Variants in DSTYK observed in about 807,000 individuals in gnomAD.
DSTYK encodes RIP-homologous kinase.
DSTYK carries 34 observed loss-of-function variants against 98.7 expected under a neutral mutation model. That is an observed-to-expected ratio of 0.34 (90% CI 0.26 to 0.46). The LOEUF (loss-of-function observed/expected upper bound fraction) is 0.46, where lower values mean the gene tolerates loss of function less well. Ranked by LOEUF, DSTYK falls within the 20% of genes least tolerant of loss-of-function variation. DSTYK has a pLI of 1.00. For synonymous variants in DSTYK, 462 were observed against 457.3 expected, an observed-to-expected ratio of 1.01 and a Z score of -0.13; for missense variants, 962 against 1,181.7, an observed-to-expected ratio of 0.81 and a Z score of 2.73.
chr1:205,192,071 T>G (rs1658729307), intron 1 of DSTYK, among the ~76,000 whole-genome samples: 1 of 152,140 alleles, frequency 6.6e-6, no homozygotes, highest in South Asian at 2.1e-4. Flanking sequence ...TAAACAAAAG[T>G]TTCAAGCTAG....
Position 205,163,722 on chromosome 1 carries a change from C to T in DSTYK, c.1557+1G>A. On this transcript the variant is annotated splice_donor_variant, in intron 4 of 12. Transcript: ENST00000367162. LOFTEE classifies it high-confidence loss of function. The stretch of plus-strand genomic sequence containing the variant: ...TGTCTTAAAAATCATTCTTTGTCTA[C>T]CTGTTTGAGATAATTACTGGTGATG... 1.2e-6 allele frequency: 2 copies of T among 1,611,508 alleles called. No individual in the cohort carries two copies. The highest frequency in any genetic ancestry group is 8.5e-7 in the Non-Finnish European group (1 of 1,178,124).
At chr1:205,160,022 G>A in intron 8 of DSTYK, 92 bp downstream of exon 8, 1 of 1,428,038 alleles carries the variant, frequency 7.0e-7, no homozygotes, top group Non-Finnish European at 9.9e-7. Context: ...ATATAGAGAG[G>A]CCATGCTGTA....
chr1:205,201,285 C>A (rs1659029398), intron 1 of DSTYK, among the ~76,000 whole-genome samples: 1 of 151,898 alleles, frequency 6.6e-6, no homozygotes, highest in African/African-American at 2.4e-5. Context: ...GGGATGGCTA[C>A]CCCATTCTCC....
chr1:205,161,563 C>CT (rs1348026063), intron 6 of DSTYK, among the ~76,000 whole-genome samples, 176 bp from the exon 7 acceptor site: 3 of 152,154 alleles, frequency 2.0e-5, no homozygotes, highest in Non-Finnish European at 4.4e-5. Flanking sequence ...TAAATAATAA[C>CT]TTTTCCTCCT....
At chr1:205,184,259 T>A (rs1243694744) in intron 2 of DSTYK, among the ~76,000 whole-genome samples, 2 of 151,112 alleles carry the variant, frequency 1.3e-5, no homozygotes, top group East Asian at 3.9e-4. Flanking sequence ...CAAAAGTAAA[T>A]GAGCATTAGA....
chr1:205,146,573 ATTT>A lies in DSTYK; in HGVS notation c.*982_*984del, dbSNP rs146051023. 5 of 138,106 alleles carry A rather than the reference ATTT, an allele frequency of 3.6e-5. No homozygotes were observed. The highest frequency in any genetic ancestry group is 2.7e-5 in the African/African-American group (1 of 37,590). 8.6% of individuals were successfully genotyped at this position (138,106 alleles called of 1,614,324 possible). On this transcript the variant is annotated 3_prime_UTR_variant, in exon 13 of 13. Coordinates refer to ENST00000367162, the MANE Select transcript of DSTYK (RefSeq NM_015375.3). The stretch of plus-strand genomic sequence containing the variant: ...ACACAAATATATGCATACACATTCT[ATTT>A]TTTTTTTTTTTTTGAGACAGAGTCT...
chr1:205,170,985 C>CA (rs1658043884), intron 2 of DSTYK, among the ~76,000 whole-genome samples: 3 of 150,352 alleles, frequency 2.0e-5, no homozygotes, highest in Admixed American at 1.3e-4. Flanking sequence ...ACAGAACTGC[C>CA]ATGCCAGCTC....
At chr1:205,197,569 G>A (rs1262750353) in intron 1 of DSTYK, among the ~76,000 whole-genome samples, 1 of 151,106 alleles carries the variant, frequency 6.6e-6, no homozygotes, top group African/African-American at 2.4e-5. Flanking sequence ...TCAGAGGAAA[G>A]AGATCAAGAG....
intron 11 of DSTYK, 73 bp from the exon 12 acceptor site, chr1:205,148,412 A>C (rs1179775881): frequency 6.3e-7 from 1 of 1,584,666 alleles, no homozygotes; most frequent in African/African-American, 1.3e-5. Flanking sequence ...ACCTTGCCTC[A>C]GTAGAGGGTT....
chr1:205,203,308 C>A (rs954865892), intron 1 of DSTYK, among the ~76,000 whole-genome samples: 1 of 149,242 alleles, frequency 6.7e-6, no homozygotes, highest in African/African-American at 2.5e-5. Flanking sequence ...AACGGTGAAA[C>A]CCCGTCTCTA....
chr1:205,152,901 T>C (rs1018828780), intron 10 of DSTYK, among the ~76,000 whole-genome samples: 5 of 152,138 alleles, frequency 3.3e-5, no homozygotes, highest in Non-Finnish European at 7.3e-5. Flanking sequence ...CATCTTTGCA[T>C]CCCCAGTGCT....
intron 1 of DSTYK, among the ~76,000 whole-genome samples, chr1:205,193,889 GAACT>G (rs1658785494): frequency 6.8e-6 from 1 of 146,724 alleles, no homozygotes; most frequent in Non-Finnish European, 1.5e-5. Flanking sequence ...AAAAAAAAAG[GAACT>G]AACTAGCAAT....
chr1:205,198,636 G>C (rs1658938158), intron 1 of DSTYK, among the ~76,000 whole-genome samples: 1 of 152,078 alleles, frequency 6.6e-6, no homozygotes, highest in Non-Finnish European at 1.5e-5. Context: ...TGAATAGAAA[G>C]AGCTTTTATT....
rs994215499 is a variant in DSTYK, at chr1:205,157,219, A to T, written c.2352+54T>A. On this transcript the variant is annotated intron_variant, in intron 10 of 12. Coordinates refer to ENST00000367162, the MANE Select transcript of DSTYK (RefSeq NM_015375.3). ...ACTTACATTTACATGTACCCTCCAA[A>T]ATCACTCAGCCACAGAGGTAGGGTA... 1.5e-5 allele frequency: 22 copies of T among 1,506,030 alleles called. 1 individual carries two copies. The highest frequency in any genetic ancestry group is 2.7e-5 in the African/African-American group (2 of 72,784). 93.3% of individuals were successfully genotyped at this position (1,506,030 alleles called of 1,614,324 possible).
intron 1 of DSTYK, among the ~76,000 whole-genome samples, chr1:205,196,758 A>ATTTTTT (rs113524415): frequency 3.6e-5 from 4 of 109,858 alleles, no homozygotes; most frequent in Admixed American, 1.1e-4. Flanking sequence ...AAAATGGTGA[A>ATTTTTT]TTTTTTTTTT....
chr1:205,197,680 C>T (rs183618437), intron 1 of DSTYK, among the ~76,000 whole-genome samples: 143 of 152,138 alleles, frequency 9.4e-4, no homozygotes, highest in African/African-American at 3.4e-3. Context: ...TCACTGTCTC[C>T]ACTTTTGCCC....
At position 205,169,490 on chromosome 1, in the gene DSTYK, A is replaced by G. The variant is rs1206040705; in HGVS notation, c.997T>C (p.Leu333=). 1 of 1,614,128 alleles carries G rather than the reference A, an allele frequency of 6.2e-7. No individual in the cohort carries two copies. The highest frequency in any genetic ancestry group is 8.5e-7 in the Non-Finnish European group (1 of 1,180,042). The part of the protein sequence containing the change: ...PGQDTKAQSM[L]VEQSEKLRHL... ...CTCAGCTTTTCACTCTGTTCCACCA[A>G]CATGCTCTGAGCTTTAGTATCCTGG... The change falls in exon 3 of 13, where the codon TTG becomes CTG. Residue 333 remains leucine (L), a synonymous_variant. Coordinates refer to ENST00000367162, the MANE Select transcript of DSTYK (RefSeq NM_015375.3). The surrounding 1 kb of genome is among the most constrained non-coding windows in gnomAD (Gnocchi z 4.0).
Position 205,169,724 on chromosome 1 carries a change from C to T in DSTYK, c.763G>A (p.Asp255Asn). Residue 255 changes from aspartate to asparagine, a missense_variant, in exon 3 of 13, where the codon GAT becomes AAT. Asp to Asn is a conservative substitution (Grantham distance 23). Coordinates refer to ENST00000367162, the MANE Select transcript of DSTYK (RefSeq NM_015375.3). The surrounding 1 kb of genome is among the most constrained non-coding windows in gnomAD (Gnocchi z 4.0). ...TGCTCATCCCTCTCAGAGAGTTCAT[C>T]TTTGTGGAGTGCATAGGTTATCACA... ...LPVITYALHK[D>N]ELSERDEQEL... The T allele has an allele frequency of 2.5e-6, 4 of 1,614,232 alleles. No individual in the cohort carries two copies. Among genetic ancestry groups the T allele is most frequent in the Non-Finnish European group, 3.4e-6 (4 of 1,180,036 alleles).
intron 7 of DSTYK, 67 bp from the exon 8 acceptor site, chr1:205,160,337 T>TA: frequency 8.4e-6 from 12 of 1,422,482 alleles, no homozygotes; most frequent in Non-Finnish European, 1.1e-5. Context: ...TCTGTAAGAT[T>TA]CTTTTTTTTT....
Sources: allele counts gnomAD v4.1 joint callset (sites outside exome capture counted in the v4.1 genomes callset), GRCh38; gene constraint gnomAD v4.1.1; non-coding constraint Gnocchi (gnomAD v3.1); transcripts MANE v1.5; gene names NCBI Gene and HGNC (gene_info 2026-07-23, HGNC 2026-07-21).